TTC27: variants seen among roughly 807,000 people sequenced by gnomAD.
The protein encoded by TTC27 is tetratricopeptide repeat domain 27.
TTC27 carries 79 observed loss-of-function variants against 115.9 expected under a neutral mutation model. The ratio of observed to expected loss-of-function variants is 0.68; its 90% CI spans 0.57 to 0.82. The LOEUF is 0.82. Among genes scored for constraint, TTC27 ranks in the 40% least tolerant of loss-of-function variants. TTC27 has a pLI of 0.00. For missense variants in TTC27, 1,054 were observed against 993.1 expected, an observed-to-expected ratio of 1.06 and a Z score of -0.82; for synonymous variants, 401 against 356.0, an observed-to-expected ratio of 1.13 and a Z score of -1.42.
At chr2:32,762,712 G>A (rs12477323) in intron 13 of TTC27, among the ~76,000 whole-genome samples, 14,352 of 152,000 alleles carry the variant, frequency 0.094, 877 homozygotes, top group Admixed American at 0.19. Context: ...CAGCTTCTCA[G>A]CTCACTGCAA....
intron 10 of TTC27, 93 bp downstream of exon 10, chr2:32,703,013 G>C (rs1305094236): frequency 3.5e-6 from 3 of 860,920 alleles, no homozygotes; most frequent in Non-Finnish European, 5.6e-6. Flanking sequence ...GAATGAAATG[G>C]CTTACATTTC....
At chr2:32,672,752 A>G (rs1022393244) in intron 8 of TTC27, among the ~76,000 whole-genome samples, 7 of 152,200 alleles carry the variant, frequency 4.6e-5, no homozygotes, top group African/African-American at 1.4e-4. Context: ...CTATGGTGGA[A>G]ATAGTTTTAA....
chr2:32,765,633 C>A (rs532551781), intron 13 of TTC27, among the ~76,000 whole-genome samples: 10 of 152,282 alleles, frequency 6.6e-5, no homozygotes, highest in Non-Finnish European at 1.2e-4. Flanking sequence ...TATGAAAGTC[C>A]TAGATGACAT....
At chr2:32,729,959 G>A (rs1220304863) in intron 10 of TTC27, among the ~76,000 whole-genome samples, 1 of 152,212 alleles carries the variant, frequency 6.6e-6, no homozygotes, top group Non-Finnish European at 1.5e-5. Flanking sequence ...AGGACACACT[G>A]CTTTGGAGAC....
Position 32,817,513 on chromosome 2 carries a change from T to G in TTC27, c.2365T>G (p.Ser789Ala). 1.2e-6 allele frequency: 2 copies of G among 1,614,148 alleles called. No individual in the cohort carries two copies. Among genetic ancestry groups the G allele is most frequent in the Non-Finnish European group, 8.5e-7 (1 of 1,180,008 alleles). The change falls in exon 19 of 20, where the codon TCT (serine) becomes GCT (alanine). Residue 789 changes from serine to alanine, a missense_variant. Transcript: ENST00000317907. ...TTCCCAAGAAGCTGTACAAATGCTT[T>G]CTTCTGTTCGACTCAATTTACGGGG... ...SSSQEAVQML[S>A]SVRLNLRGLL...
chr2:32,757,562 A>AT (rs1233373358), intron 12 of TTC27, among the ~76,000 whole-genome samples: 1 of 152,044 alleles, frequency 6.6e-6, no homozygotes, highest in Non-Finnish European at 1.5e-5. Flanking sequence ...CGTCAGCACC[A>AT]TTTTTCCAAC....
intron 13 of TTC27, 76 bp from the exon 14 acceptor site, chr2:32,777,806 C>A: frequency 7.4e-7 from 1 of 1,358,206 alleles, no homozygotes; most frequent in Non-Finnish European, 1.0e-6. Context: ...TTGTTGATAG[C>A]ATCTTAATAA....
At chr2:32,667,414 C>CTTTT (rs58456949) in intron 7 of TTC27, among the ~76,000 whole-genome samples, 8 of 127,016 alleles carry the variant, frequency 6.3e-5, no homozygotes, top group Non-Finnish European at 1.0e-4. Context: ...CCCCCAACTA[C>CTTTT]TTTTTTTTTT....
chr2:32,671,641 C>A lies in TTC27; in HGVS notation c.940-631C>A, dbSNP rs181086150. 2.6e-5 allele frequency among the ~76,000 whole-genome samples: 4 copies of A among 152,198 alleles called. No individual in the cohort carries two copies. The East Asian group carries it at 5.8e-4, about 22-fold the overall frequency. Reference sequence around the variant, plus strand: ...ATCAAGTACTTCCTCATATTTTATTCTTTTAAAAATTGTTTTGGTTATTGT... The same window carrying A: ...ATCAAGTACTTCCTCATATTTTATTATTTTAAAAATTGTTTTGGTTATTGT... On this transcript the variant is annotated intron_variant, in intron 7 of 19. Coordinates refer to ENST00000317907, the MANE Select transcript of TTC27 (RefSeq NM_017735.5).
intron 8 of TTC27, among the ~76,000 whole-genome samples, chr2:32,677,796 C>T (rs1572506556): frequency 6.6e-6 from 1 of 152,278 alleles, no homozygotes; most frequent in East Asian, 1.9e-4. Flanking sequence ...GTAATTGATC[C>T]TGGATCAGCA....
chr2:32,715,145 C>A (rs548738610), intron 10 of TTC27, among the ~76,000 whole-genome samples: 1 of 152,094 alleles, frequency 6.6e-6, no homozygotes, highest in Admixed American at 6.6e-5. Context: ...GGAATCTTTG[C>A]CAGTCCCTAC....
At chr2:32,779,099 C>T (rs1255772299) in intron 14 of TTC27, among the ~76,000 whole-genome samples, 3 of 152,066 alleles carry the variant, frequency 2.0e-5, no homozygotes, top group Admixed American at 6.6e-5. Context: ...TGACGCATGC[C>T]GTGGTCCCAG....
At chr2:32,702,025 A>AAAAAAC in intron 9 of TTC27, among the ~76,000 whole-genome samples, 1 of 150,470 alleles carries the variant, frequency 6.6e-6, no homozygotes, top group African/African-American at 2.4e-5. Context: ...AAAAAAAAAA[A>AAAAAAC]CAAAAACAAA....
chr2:32,653,231 A>G (rs1665194960), intron 5 of TTC27, among the ~76,000 whole-genome samples: 2 of 152,210 alleles, frequency 1.3e-5, no homozygotes. Flanking sequence ...ATACTTTGTC[A>G]TCAAGTCCTG....
chr2:32,820,279 T>C (rs970650295), intron 19 of TTC27, among the ~76,000 whole-genome samples: 9 of 152,220 alleles, frequency 5.9e-5, no homozygotes, highest in Non-Finnish European at 1.3e-4. Flanking sequence ...TGTGGTAGCA[T>C]GATTGAAATA....
At chr2:32,765,903 G>A (rs1361265648) in intron 13 of TTC27, among the ~76,000 whole-genome samples, 1 of 152,156 alleles carries the variant, frequency 6.6e-6, no homozygotes, top group Admixed American at 6.5e-5. Context: ...TTAGGGCCTA[G>A]CTCTGAATTA....
At chr2:32,754,905 G>A (rs1351755891) in intron 12 of TTC27, among the ~76,000 whole-genome samples, 1 of 151,776 alleles carries the variant, frequency 6.6e-6, no homozygotes, top group Admixed American at 6.5e-5. Flanking sequence ...CCCGGACGGG[G>A]TGGCTGCCGG....
At position 32,820,913 on chromosome 2, in the gene TTC27, G is replaced by C; in HGVS notation, c.2507G>C (p.Ser836Thr). 2.6e-6 allele frequency: 4 copies of C among 1,525,840 alleles called. No individual in the cohort carries two copies. The highest frequency in any genetic ancestry group is 3.5e-6 in the Non-Finnish European group (4 of 1,131,000). The allele number at this position is 1,525,840 out of a possible 1,614,324, so 94.5% of individuals were successfully genotyped here. Reference sequence around the variant, plus strand: ...TTAGTGACAGAGCTCCAAGACCTAAGCAACCAGTTTCGAAATCAGTATTGA... The same window carrying C: ...TTAGTGACAGAGCTCCAAGACCTAACCAACCAGTTTCGAAATCAGTATTGA... Reference protein sequence around the residue: ...DTLVTELQDLSNQFRNQY With the variant: ...DTLVTELQDLTNQFRNQY Residue 836 changes from serine (S) to threonine (T), a missense_variant, in exon 20 of 20, where the codon AGC becomes ACC. Physicochemically the swap from Ser to Thr is moderately conservative, Grantham distance 58. Coordinates refer to ENST00000317907, the MANE Select transcript of TTC27 (RefSeq NM_017735.5).
At chr2:32,722,223 G>A (rs1667956957) in intron 10 of TTC27, among the ~76,000 whole-genome samples, 2 of 152,152 alleles carry the variant, frequency 1.3e-5, no homozygotes, top group Non-Finnish European at 2.9e-5. Flanking sequence ...ATGCCATCAA[G>A]ATTTTCACAT....
Sources: gnomAD v4.1 joint callset for allele counts (sites outside exome capture counted in the v4.1 genomes callset) on GRCh38, gnomAD v4.1.1 for gene constraint, MANE v1.5 for transcripts, NCBI Gene and HGNC (gene_info 2026-07-23, HGNC 2026-07-21) for gene names.